The following FNDC3B variants were observed in gnomAD, a reference collection of about 807,000 sequenced individuals.
FNDC3B encodes the protein fibronectin type III domain-containing protein 3B.
In FNDC3B, 12 loss-of-function variants were observed where a neutral mutation model predicts 151.5. The ratio of observed to expected loss-of-function variants is 0.08; its 90% CI spans 0.05 to 0.13. The LOEUF is 0.13. Ranked by LOEUF, FNDC3B falls within the 10% of genes least tolerant of loss-of-function variation. FNDC3B has a pLI of 1.00. For synonymous variants in FNDC3B, 528 were observed against 549.0 expected, an observed-to-expected ratio of 0.96 and a Z score of 0.54; for missense variants, 1,214 against 1,505.3, an observed-to-expected ratio of 0.81 and a Z score of 3.20.
Position 172,380,988 on chromosome 3 carries a change from A to C in FNDC3B, c.3198A>C (p.Glu1066Asp), listed in dbSNP as rs145541551. Residue 1066 changes from glutamate (E) to aspartate (D), a missense_variant, in exon 25 of 26, where the codon GAA becomes GAC. Glu to Asp is a conservative substitution (Grantham distance 45, BLOSUM62 2). Around this residue, in one of 7 missense-constraint regions of FNDC3B, gnomAD observed 284 missense variants for 392.4 expected, o/e 0.72. Transcript: ENST00000415807. ...TIKAPRVTQL[E>D]GNSCEILWET... is the part of the protein sequence containing the mutation. Reference sequence around the variant, plus strand: ...CAGCACCTCGAGTAACACAGTTAGAAGGAAATTCATGTGAAATTTTATGGG... The same window carrying C: ...CAGCACCTCGAGTAACACAGTTAGACGGAAATTCATGTGAAATTTTATGGG... 4.2e-4 allele frequency: 680 copies of C among 1,613,674 alleles called. 1 individual carries two copies. The African/African-American group carries it at 8.0e-3, about 19-fold the overall frequency.
At chr3:172,342,767 C>G (rs1233050242) in intron 17 of FNDC3B, among the ~76,000 whole-genome samples, 3 of 152,154 alleles carry the variant, frequency 2.0e-5, no homozygotes, top group Admixed American at 1.3e-4. Context: ...AATCTAACTT[C>G]AAAAATAATC....
intron 24 of FNDC3B, 25 bp downstream of exon 24, chr3:172,378,461 C>A: frequency 6.4e-7 from 1 of 1,566,006 alleles, no homozygotes; most frequent in Non-Finnish European, 8.6e-7. Flanking sequence ...TATTCTTTCT[C>A]GCTCTCTTGT....
chr3:172,170,655 T>G (rs1356508161), intron 3 of FNDC3B, among the ~76,000 whole-genome samples: 1 of 152,188 alleles, frequency 6.6e-6, no homozygotes, highest in African/African-American at 2.4e-5. Context: ...GGATTGAGAC[T>G]GTGGGGAATC....
chr3:172,120,964 C>CA (rs371333724), intron 2 of FNDC3B, among the ~76,000 whole-genome samples: 41 of 145,924 alleles, frequency 2.8e-4, no homozygotes, highest in East Asian at 6.1e-4. Context: ...AACTCTGTCT[C>CA]AAAAAAAAAA....
At chr3:172,275,556 T>G (rs568466266) in intron 6 of FNDC3B, among the ~76,000 whole-genome samples, 16 of 152,340 alleles carry the variant, frequency 1.1e-4, no homozygotes, top group Non-Finnish European at 1.9e-4. Flanking sequence ...ACATTGACCC[T>G]GGATTTGTGG....
chr3:172,154,019 C>T (rs1345069196), intron 3 of FNDC3B, among the ~76,000 whole-genome samples: 4 of 152,176 alleles, frequency 2.6e-5, no homozygotes, highest in Non-Finnish European at 5.9e-5. Flanking sequence ...CTAGTTTTCC[C>T]TTCAGTGCTG....
chr3:172,188,627 G>C (rs1724331537), intron 3 of FNDC3B, among the ~76,000 whole-genome samples: 1 of 151,634 alleles, frequency 6.6e-6, no homozygotes, highest in African/African-American at 2.4e-5. Flanking sequence ...GGAAGGTCTT[G>C]GTTTCTTGAC....
chr3:172,059,203 A>C (rs1289584041), intron 1 of FNDC3B, among the ~76,000 whole-genome samples: 2 of 152,192 alleles, frequency 1.3e-5, no homozygotes, highest in African/African-American at 4.8e-5. Flanking sequence ...TGATGATAGC[A>C]CGTAACATAA....
At chr3:172,312,222 G>T (rs1031559877) in intron 11 of FNDC3B, among the ~76,000 whole-genome samples, 1 of 152,188 alleles carries the variant, frequency 6.6e-6, no homozygotes, top group East Asian at 1.9e-4. Context: ...TCCCATCTGG[G>T]TTGCATCTGA....
chr3:172,134,371 C>T (rs775774249), intron 3 of FNDC3B: 6 of 518,526 alleles, frequency 1.2e-5, no homozygotes, highest in Non-Finnish European at 2.3e-5. Context: ...TGTTAAAAGG[C>T]ACTGTTTATG....
chr3:172,236,302 A>G (rs1727158809), intron 4 of FNDC3B, among the ~76,000 whole-genome samples: 1 of 152,092 alleles, frequency 6.6e-6, no homozygotes, highest in African/African-American at 2.4e-5. Flanking sequence ...GTGGAGTGGT[A>G]TTTCCAGTGA....
chr3:172,359,067 T>A (rs1217820023), intron 22 of FNDC3B, among the ~76,000 whole-genome samples: 2 of 151,604 alleles, frequency 1.3e-5, no homozygotes, highest in African/African-American at 4.8e-5. Flanking sequence ...GCCTAGGAGA[T>A]ACTCAGTGAA....
At chr3:172,281,229 A>ATTTG (rs1262371707) in intron 6 of FNDC3B, among the ~76,000 whole-genome samples, 2 of 118,382 alleles carry the variant, frequency 1.7e-5, no homozygotes, top group Admixed American at 8.0e-5. Flanking sequence ...TTATTTATTT[A>ATTTG]TTTATTTATT....
At chr3:172,115,503 C>T (rs1161718108) in intron 2 of FNDC3B, among the ~76,000 whole-genome samples, 2 of 152,152 alleles carry the variant, frequency 1.3e-5, no homozygotes, top group African/African-American at 4.8e-5. Flanking sequence ...TAATGTGGTG[C>T]TCAGGTGGTT....
At chr3:172,133,617 G>C in intron 3 of FNDC3B, 71 bp downstream of exon 3, 1 of 1,046,562 alleles carries the variant, frequency 9.6e-7, no homozygotes, top group Non-Finnish European at 1.5e-6. Context: ...ATGTTTTTCT[G>C]TGTGTGTCTG....
chr3:172,277,523 A>G (rs1729493236), intron 6 of FNDC3B, among the ~76,000 whole-genome samples: 2 of 152,210 alleles, frequency 1.3e-5, no homozygotes, highest in Admixed American at 6.6e-5. Flanking sequence ...TTCTAATGCC[A>G]TCACTTTAGC....
intron 11 of FNDC3B, among the ~76,000 whole-genome samples, chr3:172,325,535 C>A (rs1732299994): frequency 6.6e-6 from 1 of 152,188 alleles, no homozygotes; most frequent in African/African-American, 2.4e-5. Flanking sequence ...TCAACAAGAA[C>A]AGGAAAATGT....
In FNDC3B at chr3:172,157,904, A is replaced by T. The variant is rs376598441; in HGVS notation, c.187+24358A>T. ...AGGTTAAAACTTAACCTCCAACGTG[A>T]TGGTATTAAGAGGTGGGGCCTTTGG... is the stretch of plus-strand genomic sequence containing the variant. On this transcript the variant is annotated intron_variant, in intron 3 of 25. Transcript: ENST00000415807. Among the ~76,000 whole-genome samples the T allele has an allele frequency of 4.6e-5, 7 of 152,254 alleles. No homozygotes were observed. In the East Asian group the frequency reaches 1.2e-3, roughly 25 times the overall value.
At chr3:172,351,580 C>T (rs755006777) in intron 21 of FNDC3B, among the ~76,000 whole-genome samples, 1 of 152,138 alleles carries the variant, frequency 6.6e-6, no homozygotes, top group Non-Finnish European at 1.5e-5. Flanking sequence ...CCAAAAATCT[C>T]GATAATCCTG....
Sources: gnomAD v4.1 joint callset for allele counts (sites outside exome capture counted in the v4.1 genomes callset) on GRCh38, gnomAD v4.1.1 for gene constraint, gnomAD v4.1.1 regional missense constraint, MANE v1.5 for transcripts, NCBI Gene and HGNC (gene_info 2026-07-23, HGNC 2026-07-21) for gene names.